The following FOXP1 variants were observed in gnomAD, a reference collection of about 807,000 sequenced individuals.
FOXP1 encodes the protein forkhead box P1, also known as forkhead box protein P1.
A neutral mutation model predicts 98.2 loss-of-function variants in FOXP1; 15 were observed. That is an observed-to-expected ratio of 0.15 (90% CI 0.10 to 0.24). The LOEUF is 0.24. Among genes scored for constraint, FOXP1 ranks in the 10% least tolerant of loss-of-function variants. The pLI is 1.00. For synonymous variants in FOXP1, 371 were observed against 314.5 expected (o/e 1.18, Z -1.90); for missense variants, 633 against 848.5 (o/e 0.75, Z 3.15).
intron 7 of FOXP1, among the ~76,000 whole-genome samples, chr3:71,057,497 G>T (rs2050848857): frequency 6.7e-6 from 1 of 149,468 alleles, no homozygotes. Context: ...TTCCGATACT[G>T]TAACTACCTT....
chr3:70,997,126 A>G (rs1049310848), intron 13 of FOXP1, among the ~76,000 whole-genome samples: 8 of 152,174 alleles, frequency 5.3e-5, no homozygotes, highest in African/African-American at 9.7e-5. Context: ...AATCCCCTCT[A>G]AAGGAGGTGA....
intron 3 of FOXP1, among the ~76,000 whole-genome samples, chr3:71,470,041 GATAAAATAAAATAAAATATTA>G (rs2089175537): frequency 6.6e-6 from 1 of 150,672 alleles, no homozygotes; most frequent in African/African-American, 2.4e-5. Context: ...AAATATTGCA[GATAAAATAAAATAAAATATTA>G]ATAAAATAAA....
intron 3 of FOXP1, among the ~76,000 whole-genome samples, chr3:71,382,392 G>A (rs2080251024): frequency 6.6e-6 from 1 of 152,180 alleles, no homozygotes; most frequent in African/African-American, 2.4e-5. Context: ...CATATGGGAA[G>A]TCATGGGATT....
At position 71,052,521 on chromosome 3, in the gene FOXP1, T is replaced by A; in HGVS notation, c.510+16A>T. 9.8e-7 allele frequency: 1 copy of A among 1,024,062 alleles called. No homozygotes were observed. The highest frequency in any genetic ancestry group is 1.6e-6 in the Non-Finnish European group (1 of 640,038). The allele number at this position is 1,024,062 out of a possible 1,614,324, so 63.4% of individuals were successfully genotyped here. A position where few individuals can be genotyped will look rare whatever the true frequency, so the allele number is the denominator to read the frequency against. ...TGGGATCTGTGGTTTGAAAGTAAAATATGTATTGTCGGTACCTCTTTAGGC... is the reference window on the plus strand; with the variant it reads ...TGGGATCTGTGGTTTGAAAGTAAAAAATGTATTGTCGGTACCTCTTTAGGC... On this transcript the variant is annotated intron_variant, in intron 9 of 20. Transcript: ENST00000649528.
chr3:71,126,948 C>A (rs1030648272), intron 6 of FOXP1, among the ~76,000 whole-genome samples: 1 of 150,066 alleles, frequency 6.7e-6, no homozygotes, highest in East Asian at 1.9e-4. Flanking sequence ...AAACTGGAAT[C>A]ATTTTGTATG....
intron 2 of FOXP1, among the ~76,000 whole-genome samples, chr3:71,517,692 C>G (rs2042683581): frequency 6.6e-6 from 1 of 152,144 alleles, no homozygotes; most frequent in South Asian, 2.1e-4. Flanking sequence ...AATACTGGCT[C>G]AGCAAGCTAC....
chr3:71,291,856 G>A (rs763196108), intron 5 of FOXP1, among the ~76,000 whole-genome samples: 42 of 151,352 alleles, frequency 2.8e-4, no homozygotes, highest in Admixed American at 7.2e-4. Flanking sequence ...ACAGGTGTGC[G>A]CCACCATGCC....
Position 71,078,556 on chromosome 3 carries a change from G to A in FOXP1, c.283-24783C>T, listed in dbSNP as rs2054065394. Among the ~76,000 whole-genome samples, 5 of 151,950 alleles carry A rather than the reference G, an allele frequency of 3.3e-5. No individual in the cohort carries two copies. In the South Asian group the frequency reaches 8.3e-4, roughly 25 times the overall value. ...TACTAAAGGTAGACAGCTACTCCAGGGTTTTAAAAAATCATCTGTTTTTCA... is the reference window on the plus strand; with the variant it reads ...TACTAAAGGTAGACAGCTACTCCAGAGTTTTAAAAAATCATCTGTTTTTCA... On this transcript the variant is annotated intron_variant, in intron 7 of 20. Transcript: ENST00000649528.
At chr3:71,407,833 A>C (rs1288047396) in intron 3 of FOXP1, among the ~76,000 whole-genome samples, 1 of 152,132 alleles carries the variant, frequency 6.6e-6, no homozygotes. Context: ...TTAATCCATA[A>C]GGAAAAGGTT....
intron 3 of FOXP1, among the ~76,000 whole-genome samples, chr3:71,400,990 A>C (rs548482866): frequency 2.0e-4 from 31 of 152,354 alleles, no homozygotes; most frequent in Non-Finnish European, 2.8e-4. Context: ...ACATGCTGTC[A>C]GTTTGCTTTT....
intron 5 of FOXP1, among the ~76,000 whole-genome samples, chr3:71,253,531 A>C (rs2068390008): frequency 6.6e-6 from 1 of 152,210 alleles, no homozygotes; most frequent in African/African-American, 2.4e-5. Flanking sequence ...AATGATAATA[A>C]AGTGCAATAT....
intron 3 of FOXP1, among the ~76,000 whole-genome samples, chr3:71,411,872 G>C (rs570025283): frequency 5.9e-5 from 9 of 152,320 alleles, no homozygotes; most frequent in Non-Finnish European, 1.3e-4. Context: ...ATCTGGAGTA[G>C]GGGAAGCGGG....
At chr3:70,998,727 G>T (rs767179927) in intron 13 of FOXP1, among the ~76,000 whole-genome samples, 41 of 152,114 alleles carry the variant, frequency 2.7e-4, no homozygotes, top group Admixed American at 4.6e-4. Context: ...AATAATCAAA[G>T]AATCCTTGTA....
At chr3:71,297,023 C>T (rs552458292) in intron 5 of FOXP1, among the ~76,000 whole-genome samples, 1 of 152,148 alleles carries the variant, frequency 6.6e-6, no homozygotes, top group Non-Finnish European at 1.5e-5. Flanking sequence ...AAATAAAATT[C>T]TTTTCTTTAT....
chr3:71,147,202 C>CT (rs1442847810), intron 6 of FOXP1, among the ~76,000 whole-genome samples: 1 of 152,210 alleles, frequency 6.6e-6, no homozygotes, highest in Admixed American at 6.5e-5. Flanking sequence ...TTCTTGCCCC[C>CT]TATAATCTCT....
intron 17 of FOXP1, among the ~76,000 whole-genome samples, chr3:70,973,207 A>AAAGGATC (rs952215003): frequency 6.6e-6 from 1 of 152,034 alleles, no homozygotes; most frequent in African/African-American, 2.4e-5. Context: ...TTGTATAGTC[A>AAAGGATC]AAGGATCGGG....
At chr3:71,363,059 T>TCA (rs2078679076) in intron 3 of FOXP1, among the ~76,000 whole-genome samples, 1 of 152,170 alleles carries the variant, frequency 6.6e-6, no homozygotes, top group Non-Finnish European at 1.5e-5. Flanking sequence ...GTGATAAATT[T>TCA]TGTCCTTCAT....
chr3:71,154,075 ATTC>A (rs1553761195), intron 6 of FOXP1, among the ~76,000 whole-genome samples: 92 of 144,408 alleles, frequency 6.4e-4, no homozygotes, highest in Middle Eastern at 3.6e-3. Context: ...TCCCCTTTGC[ATTC>A]TTCTTCTTCT....
chr3:71,367,324 A>T (rs771541775), intron 3 of FOXP1, among the ~76,000 whole-genome samples: 17 of 152,076 alleles, frequency 1.1e-4, no homozygotes, highest in Non-Finnish European at 1.9e-4. Context: ...ATACACATAC[A>T]CACTCCCTCT....
Sources: allele counts gnomAD v4.1 joint callset (sites outside exome capture counted in the v4.1 genomes callset), GRCh38; gene constraint gnomAD v4.1.1; transcripts MANE v1.5; gene names NCBI Gene and HGNC (gene_info 2026-07-23, HGNC 2026-07-21).